KIF16B: variants seen among roughly 807,000 people sequenced by gnomAD.
KIF16B encodes kinesin-like protein KIF16B.
In KIF16B, 98 loss-of-function variants were observed where a neutral mutation model predicts 156.3. That is an observed-to-expected ratio of 0.63 (90% CI 0.53 to 0.74). KIF16B has a LOEUF of 0.74. KIF16B is among the 30% of genes least tolerant of loss of function. The probability of loss-of-function intolerance (pLI) is 0.00; values close to 1 mark genes in which losing one functional copy is unlikely to be tolerated. For synonymous variants in KIF16B, 564 were observed against 583.7 expected (o/e 0.97, Z 0.49); for missense variants, 1,421 against 1,606.5 (o/e 0.88, Z 1.97).
At chr20:16,526,359 T>C (rs1463551488) in intron 2 of KIF16B, among the ~76,000 whole-genome samples, 154 bp from the exon 3 acceptor site, 2 of 152,218 alleles carry the variant, frequency 1.3e-5, no homozygotes, top group Non-Finnish European at 2.9e-5. Context: ...ACTAAACTCC[T>C]TGCAGCAATC....
intron 24 of KIF16B, 67 bp downstream of exon 24, chr20:16,335,859 A>T: frequency 1.0e-6 from 1 of 959,800 alleles, no homozygotes; most frequent in South Asian, 1.4e-5. Context: ...AACATTGCTA[A>T]TGCAATCAGC....
In KIF16B at chr20:16,439,712, C is replaced by T. The variant is rs1337751137; in HGVS notation, c.1303-9730G>A. Among the ~76,000 whole-genome samples, 6 of 152,122 alleles carry T rather than the reference C, an allele frequency of 3.9e-5. No homozygotes were observed. In the South Asian group the frequency reaches 6.2e-4, roughly 16 times the overall value. On this transcript the variant is annotated intron_variant, in intron 12 of 25. Transcript: ENST00000354981. ...TTATGGTTCCACGTGGCTGGGGAGCCGTCACAATCATGGAGGAAGGCAAGG... is the reference window on the plus strand; with the variant it reads ...TTATGGTTCCACGTGGCTGGGGAGCTGTCACAATCATGGAGGAAGGCAAGG...
intron 15 of KIF16B, among the ~76,000 whole-genome samples, chr20:16,420,903 C>A (rs1251843871): frequency 6.6e-6 from 1 of 152,060 alleles, no homozygotes; most frequent in Non-Finnish European, 1.5e-5. Context: ...TATGACCTAA[C>A]CTGGCTTAGA....
At chr20:16,345,047 T>G (rs184155450) in intron 23 of KIF16B, among the ~76,000 whole-genome samples, 1 of 152,316 alleles carries the variant, frequency 6.6e-6, no homozygotes, top group Non-Finnish European at 1.5e-5. Flanking sequence ...CCCTTGGGCC[T>G]CTGTCTTTGT....
intron 6 of KIF16B, among the ~76,000 whole-genome samples, chr20:16,510,227 A>G (rs1600581894): frequency 1.3e-5 from 2 of 152,338 alleles, no homozygotes; most frequent in African/African-American, 4.8e-5. Flanking sequence ...TTGTCAGAAA[A>G]CATGAAGGCA....
chr20:16,367,478 A>G lies in KIF16B; in HGVS notation c.3498+3108T>C, dbSNP rs201847760. On this transcript the variant is annotated intron_variant, in intron 22 of 25. Coordinates refer to ENST00000354981, the MANE Select transcript of KIF16B (RefSeq NM_024704.5). ...TTTCGAGATCGAATGCGTGGATAAA[A>G]AACACAGTCTTCCTTCACCAGTGCA... The G allele has an allele frequency of 8.3e-4, 1,337 of 1,612,792 alleles. 2 individuals carry two copies. The highest frequency in any genetic ancestry group is 1.1e-3 in the Non-Finnish European group (1,249 of 1,179,902).
chr20:16,366,432 G>T (rs948296456), intron 22 of KIF16B, among the ~76,000 whole-genome samples: 1 of 152,186 alleles, frequency 6.6e-6, no homozygotes, highest in Non-Finnish European at 1.5e-5. Context: ...TTCTGAGAAA[G>T]AACTGGAATA....
intron 24 of KIF16B, among the ~76,000 whole-genome samples, chr20:16,328,571 A>G (rs765088911): frequency 6.6e-6 from 1 of 152,172 alleles, no homozygotes; most frequent in East Asian, 1.9e-4. Context: ...AAGACCCTCA[A>G]TGATTGATTC....
intron 25 of KIF16B, among the ~76,000 whole-genome samples, chr20:16,295,158 G>C (rs1192982607): frequency 1.3e-5 from 2 of 152,122 alleles, no homozygotes; most frequent in Non-Finnish European, 2.9e-5. Context: ...AGCATCTAGA[G>C]AAGATAAAGA....
At chr20:16,401,049 C>T (rs1034998163) in intron 17 of KIF16B, among the ~76,000 whole-genome samples, 3 of 151,954 alleles carry the variant, frequency 2.0e-5, no homozygotes, top group African/African-American at 7.3e-5. Flanking sequence ...TTACTTTCTA[C>T]AGCAGGTGGC....
At position 16,513,699 on chromosome 20, in the gene KIF16B, C is replaced by T. The variant is rs150003351; in HGVS notation, c.349-776G>A. ...AAAAAAAAAACCACATGCTATGTCC[C>T]TCCTTTGACAGAGTAACCCCTACCC... On this transcript the variant is annotated intron_variant, in intron 4 of 25. Transcript: ENST00000354981. 3.6e-4 allele frequency among the ~76,000 whole-genome samples: 54 copies of T among 150,780 alleles called. No individual in the cohort carries two copies. In the East Asian group the frequency reaches 8.8e-3, roughly 25 times the overall value.
chr20:16,367,537 T>C (rs1168266143), intron 22 of KIF16B: 1 of 1,612,770 alleles, frequency 6.2e-7, no homozygotes. Flanking sequence ...CGACTGGCAC[T>C]GGTCATGGCC....
chr20:16,292,934 G>A (rs1278315531), intron 25 of KIF16B, among the ~76,000 whole-genome samples: 3 of 152,234 alleles, frequency 2.0e-5, no homozygotes, highest in Non-Finnish European at 4.4e-5. Context: ...GGACCACATA[G>A]TGCAGTGCTT....
intron 25 of KIF16B, among the ~76,000 whole-genome samples, chr20:16,297,905 C>T (rs918617483): frequency 1.3e-5 from 2 of 152,056 alleles, no homozygotes; most frequent in Non-Finnish European, 2.9e-5. Context: ...ATGGGAATAC[C>T]CTAGTCACTG....
chr20:16,458,747 T>TAC (rs755024676), intron 12 of KIF16B, among the ~76,000 whole-genome samples: 1 of 151,616 alleles, frequency 6.6e-6, no homozygotes, highest in South Asian at 2.1e-4. Context: ...TACAGGTATA[T>TAC]ACACACACAC....
intron 15 of KIF16B, among the ~76,000 whole-genome samples, chr20:16,421,995 GA>G: frequency 6.6e-6 from 1 of 152,212 alleles, no homozygotes; most frequent in East Asian, 1.9e-4. Context: ...TCTTCAATAT[GA>G]AGATAAAAAA....
At chr20:16,368,967 A>T (rs2064749513) in intron 22 of KIF16B, 1 of 985,728 alleles carries the variant, frequency 1.0e-6, no homozygotes, top group African/African-American at 1.7e-5. Flanking sequence ...CGTTAAGAAA[A>T]GAGATTTTAG....
chr20:16,286,316 G>T (rs1390929687), intron 25 of KIF16B, among the ~76,000 whole-genome samples: 1 of 152,122 alleles, frequency 6.6e-6, no homozygotes, highest in Non-Finnish European at 1.5e-5. Flanking sequence ...AATTTTGATA[G>T]ATATTGCCAA....
At position 16,380,095 on chromosome 20, in the gene KIF16B, T is replaced by C. The variant is rs765136537; in HGVS notation, c.1907A>G (p.Glu636Gly). Residue 636 changes from glutamate to glycine, a missense_variant, in exon 19 of 26, where the codon GAG (glutamate) becomes GGG (glycine). Coordinates refer to ENST00000354981, the MANE Select transcript of KIF16B (RefSeq NM_024704.5). ...DKAELERMQQ[E>G]VETQRKETEI... is the part of the protein sequence containing the mutation. ...TGTCTCCTTGCGCTGGGTCTCCACC[T>C]CCTGCTGCATCCGCTCCAGTTCAGC... is the stretch of plus-strand genomic sequence containing the variant. 3 of 1,528,986 alleles carry C rather than the reference T, an allele frequency of 2.0e-6. No homozygotes were observed. Among genetic ancestry groups the C allele is most frequent in the East Asian group, 2.3e-5 (1 of 44,306 alleles). 94.7% of individuals were successfully genotyped at this position (1,528,986 alleles called of 1,614,324 possible).
Sources: allele counts gnomAD v4.1 joint callset (sites outside exome capture counted in the v4.1 genomes callset), GRCh38; gene constraint gnomAD v4.1.1; transcripts MANE v1.5; gene names NCBI Gene and HGNC (gene_info 2026-07-23, HGNC 2026-07-21).